The following RELN variants were observed in gnomAD, a reference collection of about 807,000 sequenced individuals.
The protein encoded by RELN is reelin.
RELN carries 108 observed loss-of-function variants against 427.6 expected under a neutral mutation model. The ratio of observed to expected loss-of-function variants is 0.25; its 90% CI spans 0.22 to 0.30. The LOEUF is 0.30. Ranked by LOEUF, RELN falls within the 10% of genes least tolerant of loss-of-function variation. RELN has a pLI of 1.00. For synonymous variants in RELN, 1,524 were observed against 1,513.4 expected, an observed-to-expected ratio of 1.01 and a Z score of -0.16; for missense variants, 3,715 against 4,302.8, an observed-to-expected ratio of 0.86 and a Z score of 3.82.
At chr7:103,802,925 C>T (rs181795745) in intron 3 of RELN, among the ~76,000 whole-genome samples, 4 of 152,264 alleles carry the variant, frequency 2.6e-5, no homozygotes, top group Non-Finnish European at 2.9e-5. Flanking sequence ...AACTTTTTCA[C>T]ATGAAGTAAA....
intron 48 of RELN, 131 bp from the exon 49 acceptor site, chr7:103,519,647 A>T (rs540241810): frequency 1.2e-4 from 79 of 678,922 alleles, no homozygotes; most frequent in East Asian, 4.1e-4. Flanking sequence ...CAGTGGCACC[A>T]TCACAGCTCA....
At chr7:103,700,777 T>C (rs1056751958) in intron 9 of RELN, 133 bp downstream of exon 9, 1 of 706,954 alleles carries the variant, frequency 1.4e-6, no homozygotes, top group Non-Finnish European at 2.6e-6. Context: ...TGTGCATCCA[T>C]AGAATTCAAC....
At chr7:103,564,329 T>C (rs934567013) in intron 34 of RELN, among the ~76,000 whole-genome samples, 1 of 152,134 alleles carries the variant, frequency 6.6e-6, no homozygotes, top group Non-Finnish European at 1.5e-5. Flanking sequence ...AGAAAGAAAT[T>C]AGTGCAAGGA....
chr7:103,695,742 C>T (rs1205431110), intron 10 of RELN, among the ~76,000 whole-genome samples: 1 of 152,092 alleles, frequency 6.6e-6, no homozygotes, highest in Non-Finnish European at 1.5e-5. Context: ...TATGCATCTG[C>T]TTGCCAGTGT....
chr7:103,695,250 A>G (rs1833953578), intron 10 of RELN, among the ~76,000 whole-genome samples: 1 of 152,212 alleles, frequency 6.6e-6, no homozygotes, highest in Non-Finnish European at 1.5e-5. Context: ...AAAAAACAAA[A>G]GGGCAGTCAT....
chr7:103,552,140 T>G (rs1303020408), intron 40 of RELN, among the ~76,000 whole-genome samples: 1 of 152,208 alleles, frequency 6.6e-6, no homozygotes, highest in Non-Finnish European at 1.5e-5. Context: ...CACCAGTGTA[T>G]TCTGTCTTTA....
chr7:103,949,421 T>G (rs533664189), intron 1 of RELN, among the ~76,000 whole-genome samples: 31 of 151,940 alleles, frequency 2.0e-4, no homozygotes, highest in Middle Eastern at 3.4e-3. Flanking sequence ...ATGATGGTAT[T>G]TAGAGGTGGG....
intron 1 of RELN, among the ~76,000 whole-genome samples, chr7:103,924,630 G>A (rs1795685511): frequency 6.6e-6 from 1 of 152,066 alleles, no homozygotes; most frequent in Non-Finnish European, 1.5e-5. Context: ...TAGAGGAGGG[G>A]TACAGCATCT....
At chr7:103,838,406 C>A (rs1465686581) in intron 2 of RELN, among the ~76,000 whole-genome samples, 1 of 151,868 alleles carries the variant, frequency 6.6e-6, no homozygotes, top group Non-Finnish European at 1.5e-5. Context: ...TATAGAAAAA[C>A]AAATCTATGT....
intron 1 of RELN, among the ~76,000 whole-genome samples, chr7:103,919,596 C>T (rs560182857): frequency 1.3e-5 from 2 of 152,236 alleles, no homozygotes; most frequent in Non-Finnish European, 2.9e-5. Flanking sequence ...AGGGAGAACC[C>T]TTTAGTGTCT....
rs114033829 is a variant in RELN, at chr7:103,860,040, T to C, written c.338-26368A>G. Reference sequence around the variant, plus strand: ...CTCTAAAGGCATGTAGTACAATTACTTCTTTTATTGGCGTTAAACATGCGA... The same window carrying C: ...CTCTAAAGGCATGTAGTACAATTACCTCTTTTATTGGCGTTAAACATGCGA... On this transcript the variant is annotated intron_variant, in intron 2 of 64. Transcript: ENST00000428762. Among the ~76,000 whole-genome samples the C allele has an allele frequency of 4.0e-3, 607 of 152,308 alleles. 6 individuals carry two copies. The highest frequency in any genetic ancestry group is 0.014 in the African/African-American group (588 of 41,570).
At chr7:103,815,038 A>G (rs1456462320) in intron 3 of RELN, among the ~76,000 whole-genome samples, 9 of 152,340 alleles carry the variant, frequency 5.9e-5, no homozygotes, top group African/African-American at 2.2e-4. Flanking sequence ...AATATGTTGG[A>G]GTCTTTGCTG....
chr7:103,475,346 C>T (rs1303676933), intron 64 of RELN, among the ~76,000 whole-genome samples: 3 of 152,100 alleles, frequency 2.0e-5, no homozygotes, highest in Non-Finnish European at 1.5e-5. Flanking sequence ...CCCCCACCCC[C>T]GCACCATAGC....
At chr7:103,738,329 C>T (rs933800931) in intron 6 of RELN, among the ~76,000 whole-genome samples, 1 of 151,780 alleles carries the variant, frequency 6.6e-6, no homozygotes, top group Non-Finnish European at 1.5e-5. Context: ...GTTTTAGTTC[C>T]TTTGCAGTCT....
rs1399244957 is a variant in RELN, at chr7:103,594,220, T to C, written c.3711+101A>G. 5 of 1,157,836 alleles carry C rather than the reference T, an allele frequency of 4.3e-6. No individual in the cohort carries two copies. In the African/African-American group the frequency reaches 7.6e-5, roughly 18 times the overall value. 71.7% of individuals were successfully genotyped at this position (1,157,836 alleles called of 1,614,324 possible). A position where few individuals can be genotyped will look rare whatever the true frequency, so the allele number is the denominator to read the frequency against. ...AGTACAAGCCCTTAAACTTATATTA[T>C]ACATTCAGTGTCAAGCACTAAATCC... is the stretch of plus-strand genomic sequence containing the variant. On this transcript the variant is annotated intron_variant, in intron 26 of 64. Transcript: ENST00000428762.
chr7:103,975,213 GA>G (rs1796845821), intron 1 of RELN, among the ~76,000 whole-genome samples: 1 of 152,158 alleles, frequency 6.6e-6, no homozygotes, highest in Non-Finnish European at 1.5e-5. Flanking sequence ...GCCACTTTCA[GA>G]CAACAATTTT....
chr7:103,642,530 C>T (rs1047857276), intron 16 of RELN, among the ~76,000 whole-genome samples: 2 of 151,992 alleles, frequency 1.3e-5, no homozygotes, highest in African/African-American at 4.8e-5. Context: ...ACCTTGCTAA[C>T]CATGTGCATT....
chr7:103,895,036 T>C (rs1353332436), intron 2 of RELN, among the ~76,000 whole-genome samples: 1 of 152,122 alleles, frequency 6.6e-6, no homozygotes, highest in African/African-American at 2.4e-5. Context: ...CTTTCTTGAC[T>C]AAAATCAACT....
rs143026186 is a variant in RELN at position 103,879,558 on chromosome 7, T to G, written c.337+37517A>C. Among the ~76,000 whole-genome samples, 499 of 152,326 alleles carry G rather than the reference T, an allele frequency of 3.3e-3. 1 individual carries two copies. The highest frequency in any genetic ancestry group is 6.3e-3 in the Non-Finnish European group (427 of 68,020). On this transcript the variant is annotated intron_variant, in intron 2 of 64. Coordinates refer to ENST00000428762, the MANE Select transcript of RELN (RefSeq NM_005045.4). ...CATTTATTCAGAGGAGAGAATGACC[T>G]GCCAAAACACCAACAACTAGGCTTC...
Sources: gnomAD v4.1 joint callset for allele counts (sites outside exome capture counted in the v4.1 genomes callset) on GRCh38, gnomAD v4.1.1 for gene constraint, MANE v1.5 for transcripts, NCBI Gene and HGNC (gene_info 2026-07-23, HGNC 2026-07-21) for gene names.